The following HDHD2 variants were observed in gnomAD, a reference collection of about 807,000 sequenced individuals.
The protein encoded by HDHD2 is haloacid dehalogenase-like hydrolase domain-containing protein 2.
HDHD2 carries 26 observed loss-of-function variants against 24.8 expected under a neutral mutation model. The observed-to-expected ratio is 1.05, with a 90% confidence interval of 0.77 to 1.45. The LOEUF is 1.45. Among genes scored for constraint, HDHD2 ranks in the 40% most tolerant of loss-of-function variants. The probability of loss-of-function intolerance (pLI) is 0.00; values close to 1 mark genes in which losing one functional copy is unlikely to be tolerated. For missense variants in HDHD2, 299 were observed against 313.4 expected (o/e 0.95, Z 0.35); for synonymous variants, 128 against 114.9 (o/e 1.11, Z -0.73).
chr18:47,112,835 C>T (rs2063526201), intron 6 of HDHD2, 142 bp downstream of exon 6: 1 of 674,072 alleles, frequency 1.5e-6, no homozygotes, highest in Non-Finnish European at 2.6e-6. Context: ...TTCCTATAAT[C>T]CTAAGCTGTT....
chr18:47,122,837 T>C (rs2063619947), intron 4 of HDHD2, among the ~76,000 whole-genome samples: 2 of 151,978 alleles, frequency 1.3e-5, no homozygotes, highest in Admixed American at 6.6e-5. Flanking sequence ...AAAATTAAAA[T>C]AGAAGATCTA....
At chr18:47,137,003 A>G (rs1173340827) in intron 1 of HDHD2, 1 of 636,006 alleles carries the variant, frequency 1.6e-6, no homozygotes. Flanking sequence ...AGCTGAGGAG[A>G]CTCTGGCAGT....
chr18:47,143,507 T>C (rs1425597548), intron 1 of HDHD2, among the ~76,000 whole-genome samples: 1 of 152,200 alleles, frequency 6.6e-6, no homozygotes, highest in East Asian at 1.9e-4. Context: ...TCATGATGCT[T>C]AAGAAATAAT....
intron 6 of HDHD2, chr18:47,110,501 G>C: frequency 3.0e-6 from 3 of 984,696 alleles, no homozygotes; most frequent in Non-Finnish European, 3.6e-6. Context: ...TGGATCCAGT[G>C]GTCTAAGAGA....
rs146711455 is a variant in HDHD2 at position 47,146,058 on chromosome 18, C to G, written c.-11+4320G>C. ...ACCAGCCTAGTCAACATGGTGAAAC[C>G]CTGTCTCTACAAATACCAAAATTAG... On this transcript the variant is annotated intron_variant, in intron 1 of 6. Coordinates refer to ENST00000300605, the MANE Select transcript of HDHD2 (RefSeq NM_032124.5). Among the ~76,000 whole-genome samples, 1,070 of 151,862 alleles carry G rather than the reference C, an allele frequency of 7.0e-3. 7 individuals carry two copies. The highest frequency in any genetic ancestry group is 0.011 in the Non-Finnish European group (723 of 67,950).
intron 4 of HDHD2, among the ~76,000 whole-genome samples, chr18:47,117,751 G>A (rs2063569263): frequency 6.6e-6 from 1 of 152,114 alleles, no homozygotes; most frequent in African/African-American, 2.4e-5. Flanking sequence ...ACCAAGATGG[G>A]AGGCCCACTT....
intron 4 of HDHD2, among the ~76,000 whole-genome samples, chr18:47,119,424 C>G (rs1461656595): frequency 2.0e-5 from 3 of 152,202 alleles, no homozygotes. Flanking sequence ...GCATCTTCAC[C>G]AGGAGTAGAT....
chr18:47,121,104 G>GT (rs1431774288), intron 4 of HDHD2, among the ~76,000 whole-genome samples: 1 of 148,406 alleles, frequency 6.7e-6, no homozygotes, highest in Non-Finnish European at 1.5e-5. Flanking sequence ...AAATCAGTTT[G>GT]TTAAAAAAAA....
At chr18:47,136,565 T>A in intron 1 of HDHD2, 116 bp from the exon 2 acceptor site, 1 of 733,942 alleles carries the variant, frequency 1.4e-6, no homozygotes, top group Non-Finnish European at 2.0e-6. Context: ...AGTGTTAAGC[T>A]GCTTCCATTT....
In HDHD2 at chr18:47,136,382, T is replaced by G. The variant is rs567505755; in HGVS notation, c.58A>C (p.Ile20Leu). Residue 20 changes from isoleucine to leucine, a missense_variant, in exon 2 of 7, where the codon ATT (isoleucine) becomes CTT (leucine). Physicochemically the swap from Ile to Leu is conservative, Grantham distance 5 (BLOSUM62 2). Coordinates refer to ENST00000300605, the MANE Select transcript of HDHD2 (RefSeq NM_032124.5). ...VLVDLSGTLH[I>L]EDAAVPGAQE... ...GCGCCTGGCACAGCTGCATCTTCAA[T>G]GTGAAGTGTGCCACTGAGATCTACC... 11 of 1,613,314 alleles carry G rather than the reference T, an allele frequency of 6.8e-6. No individual in the cohort carries two copies. Among genetic ancestry groups the G allele is most frequent in the Non-Finnish European group, 7.6e-6 (9 of 1,179,808 alleles).
At chr18:47,129,594 C>T (rs1321672588) in intron 4 of HDHD2, among the ~76,000 whole-genome samples, 2 of 152,140 alleles carry the variant, frequency 1.3e-5, no homozygotes, top group Non-Finnish European at 2.9e-5. Flanking sequence ...TTCCAGTTCA[C>T]CGTATCATTA....
At position 47,111,036 on chromosome 18, in the gene HDHD2, G is replaced by A. The variant is rs977577325; in HGVS notation, c.676+1941C>T. On this transcript the variant is annotated intron_variant, in intron 6 of 6. Transcript: ENST00000300605. ...GCCTAGCACTTGTCCACTGCACTGAGTTAAAATTTACCAATGAAGCTGGCT... is the reference window on the plus strand; with the variant it reads ...GCCTAGCACTTGTCCACTGCACTGAATTAAAATTTACCAATGAAGCTGGCT... The A allele has an allele frequency of 4.1e-6, 4 of 985,158 alleles. No individual in the cohort carries two copies. In the African/African-American group the frequency reaches 7.0e-5, roughly 17 times the overall value. The allele number at this position is 985,158 out of a possible 1,614,324, so 61.0% of individuals were successfully genotyped here. A position where few individuals can be genotyped will look rare whatever the true frequency, so the allele number is the denominator to read the frequency against.
intron 5 of HDHD2, 35 bp from the exon 6 acceptor site, chr18:47,113,075 T>A (rs1199581557): frequency 1.9e-6 from 3 of 1,582,226 alleles, no homozygotes; most frequent in Non-Finnish European, 8.7e-7. Context: ...TAGTCCAGTG[T>A]CTTCAGTAAG....
At chr18:47,137,825 A>AT (rs1434802693) in intron 1 of HDHD2, among the ~76,000 whole-genome samples, 2 of 150,974 alleles carry the variant, frequency 1.3e-5, no homozygotes, top group Non-Finnish European at 2.9e-5. Flanking sequence ...AAAAAATCCT[A>AT]TTTTTCCCTT....
intron 1 of HDHD2, among the ~76,000 whole-genome samples, chr18:47,141,960 CCAAGATTTGATGGTTTAA>C (rs1294634298): frequency 6.6e-6 from 1 of 152,132 alleles, no homozygotes; most frequent in Non-Finnish European, 1.5e-5. Flanking sequence ...AGAAAATCTC[CCAAGATTTGATGGTTTAA>C]TAAAGAGCAG....
intron 3 of HDHD2, among the ~76,000 whole-genome samples, chr18:47,132,853 T>C (rs2063726105): frequency 6.6e-6 from 1 of 152,234 alleles, no homozygotes; most frequent in Admixed American, 6.5e-5. Flanking sequence ...TCATGTTCAA[T>C]GTAAAAACTT....
intron 3 of HDHD2, among the ~76,000 whole-genome samples, chr18:47,130,963 T>C (rs961145741): frequency 2.0e-5 from 3 of 152,050 alleles, no homozygotes; most frequent in African/African-American, 7.3e-5. Context: ...CATTCTCCAT[T>C]ACAACTTTAT....
chr18:47,141,549 T>C (rs531829074), intron 1 of HDHD2, among the ~76,000 whole-genome samples: 21 of 152,206 alleles, frequency 1.4e-4, no homozygotes, highest in Non-Finnish European at 2.9e-4. Context: ...GAAAGACTTG[T>C]TCTCCATTGA....
At chr18:47,122,294 T>G (rs2063614631) in intron 4 of HDHD2, among the ~76,000 whole-genome samples, 1 of 152,198 alleles carries the variant, frequency 6.6e-6, no homozygotes, top group Admixed American at 6.5e-5. Context: ...ATTTGTGAGC[T>G]TCAGTTTCAA....
Sources: allele counts gnomAD v4.1 joint callset (sites outside exome capture counted in the v4.1 genomes callset), GRCh38; gene constraint gnomAD v4.1.1; transcripts MANE v1.5; gene names NCBI Gene and HGNC (gene_info 2026-07-23, HGNC 2026-07-21).